CDC42BPA: variants seen among roughly 807,000 people sequenced by gnomAD.
CDC42BPA encodes serine/threonine-protein kinase MRCK alpha.
CDC42BPA carries 80 observed loss-of-function variants against 223.5 expected under a neutral mutation model. The ratio of observed to expected loss-of-function variants is 0.36; its 90% CI spans 0.30 to 0.43. The LOEUF (loss-of-function observed/expected upper bound fraction) is 0.43. Among genes scored for constraint, CDC42BPA ranks in the 20% least tolerant of loss-of-function variants. The pLI is 1.00. For synonymous variants in CDC42BPA, 694 were observed against 718.6 expected (o/e 0.97, Z 0.55); for missense variants, 1,743 against 2,099.9 (o/e 0.83, Z 3.32).
intron 5 of CDC42BPA, among the ~76,000 whole-genome samples, chr1:227,168,513 T>TTTTTTTTTTTTTTTTTTTTTG (rs57522937): frequency 6.9e-6 from 1 of 145,738 alleles, no homozygotes; most frequent in African/African-American, 2.6e-5. Flanking sequence ...TTTTTTTTTT[T>TTTTTTTTTTTTTTTTTTTTTG]GAGGCAGAGT....
intron 16 of CDC42BPA, among the ~76,000 whole-genome samples, chr1:227,089,634 T>G (rs1371175858): frequency 2.2e-5 from 3 of 135,924 alleles, no homozygotes; most frequent in Non-Finnish European, 4.9e-5. Flanking sequence ...TCCGTTTTTT[T>G]TTTTTTTTTT....
rs1307620981 is a variant in CDC42BPA, at chr1:227,304,376, A to T, written c.178+12629T>A. Among the ~76,000 whole-genome samples, 4 of 151,924 alleles carry T rather than the reference A, an allele frequency of 2.6e-5. No homozygotes were observed. In the East Asian group the frequency reaches 7.7e-4, roughly 29 times the overall value. ...AGCCCAGATCACACCACTGCACTCC[A>T]GCCTGGGCAACAAAGCAAGATTCTA... On this transcript the variant is annotated intron_variant, in intron 1 of 36. Coordinates refer to ENST00000366766, the MANE Select transcript of CDC42BPA (RefSeq NM_001394014.1).
intron 6 of CDC42BPA, among the ~76,000 whole-genome samples, chr1:227,150,777 T>C (rs1661588026): frequency 1.4e-5 from 2 of 146,264 alleles, no homozygotes; most frequent in Admixed American, 7.0e-5. Flanking sequence ...GTTTACCCCA[T>C]AAATGTATTC....
At chr1:227,162,667 C>T (rs1457116262) in intron 5 of CDC42BPA, among the ~76,000 whole-genome samples, 3 of 151,790 alleles carry the variant, frequency 2.0e-5, no homozygotes, top group Admixed American at 2.0e-4. Flanking sequence ...CCCTTCTCTA[C>T]AAAAAATAAA....
chr1:227,196,043 T>C (rs1247864469), intron 4 of CDC42BPA, among the ~76,000 whole-genome samples: 1 of 151,948 alleles, frequency 6.6e-6, no homozygotes, highest in Non-Finnish European at 1.5e-5. Flanking sequence ...CAATCATTGA[T>C]TTGAGGAATC....
intron 10 of CDC42BPA, among the ~76,000 whole-genome samples, chr1:227,129,638 T>C (rs1441387793): frequency 9.6e-6 from 1 of 104,252 alleles, no homozygotes; most frequent in African/African-American, 3.8e-5. Context: ...CTGTACTCCA[T>C]CCTGGGAGAC....
At chr1:227,257,487 G>GGCTCAT (rs145838525) in intron 1 of CDC42BPA, among the ~76,000 whole-genome samples, 19,221 of 150,380 alleles carry the variant, frequency 0.13, 1,786 homozygotes, top group Middle Eastern at 0.21. Flanking sequence ...TGGGCACAGT[G>GGCTCAT]GCCTGTAATC....
chr1:227,306,138 G>GTTT (rs56027762), intron 1 of CDC42BPA, among the ~76,000 whole-genome samples: 5 of 135,722 alleles, frequency 3.7e-5, no homozygotes, highest in Non-Finnish European at 6.3e-5. Context: ...GTTCTAAGTG[G>GTTT]TTTTTTTTTT....
At chr1:227,276,198 G>A (rs1438714907) in intron 1 of CDC42BPA, among the ~76,000 whole-genome samples, 3 of 151,370 alleles carry the variant, frequency 2.0e-5, no homozygotes, top group African/African-American at 7.3e-5. Context: ...GATGTGGGGA[G>A]CGCCTCTGCC....
intron 16 of CDC42BPA, among the ~76,000 whole-genome samples, chr1:227,081,846 T>C (rs550346347): frequency 1.3e-5 from 2 of 152,322 alleles, no homozygotes; most frequent in South Asian, 2.1e-4. Context: ...ACTGTATGTA[T>C]CTCTAAAGAA....
chr1:227,145,048 C>T (rs6426569), intron 8 of CDC42BPA, among the ~76,000 whole-genome samples: 2 of 151,968 alleles, frequency 1.3e-5, no homozygotes, highest in Admixed American at 1.3e-4. Flanking sequence ...AACTAAAGTT[C>T]AGCAGTTTTT....
chr1:227,170,158 G>A (rs557740889), intron 5 of CDC42BPA, among the ~76,000 whole-genome samples: 13 of 152,184 alleles, frequency 8.5e-5, no homozygotes, highest in African/African-American at 2.9e-4. Context: ...GACGTCCAAG[G>A]CTAGGTCATT....
At chr1:227,254,033 G>T in intron 2 of CDC42BPA, 31 bp downstream of exon 2, 1 of 1,182,408 alleles carries the variant, frequency 8.5e-7, no homozygotes, top group Non-Finnish European at 1.3e-6. Flanking sequence ...AAAATAATTA[G>T]CAGACCTTCT....
rs201862186 is a variant in CDC42BPA at position 227,317,055 on chromosome 1, T to C, written c.128A>G (p.Asn43Ser). 40 of 1,613,846 alleles carry C rather than the reference T, an allele frequency of 2.5e-5. No individual in the cohort carries two copies. Among genetic ancestry groups the C allele is most frequent in the East Asian group, 2.5e-4 (11 of 44,880 alleles). ...CTTCTCTCTTCTCAATGGAGAATTA[T>C]TGCATTCATCATAAAGGCAGATGAG... ...DILICLYDEC[N>S]NSPLRREKNI... Residue 43 changes from asparagine (N) to serine (S), a missense_variant, in exon 1 of 37, where the codon AAT becomes AGT. Asn to Ser is a conservative substitution (Grantham distance 46, BLOSUM62 1). Transcript: ENST00000366766.
At chr1:227,269,699 C>T (rs900061558) in intron 1 of CDC42BPA, among the ~76,000 whole-genome samples, 1 of 151,930 alleles carries the variant, frequency 6.6e-6, no homozygotes, top group Admixed American at 6.6e-5. Context: ...GAAAAATAGG[C>T]ACTGGCAATT....
At chr1:227,156,255 C>G (rs893685316) in intron 6 of CDC42BPA, among the ~76,000 whole-genome samples, 8 of 152,008 alleles carry the variant, frequency 5.3e-5, no homozygotes, top group Admixed American at 6.6e-5. Context: ...CAAGCTCAAG[C>G]GATCCTCCCA....
intron 23 of CDC42BPA, among the ~76,000 whole-genome samples, chr1:227,045,692 C>T (rs1191934863): frequency 6.6e-6 from 1 of 152,150 alleles, no homozygotes; most frequent in African/African-American, 2.4e-5. Context: ...GACTCATCTA[C>T]TGAATTTAAA....
chr1:227,253,201 AAGAGAAGAG>A (rs1417386465), intron 2 of CDC42BPA, among the ~76,000 whole-genome samples: 1 of 152,022 alleles, frequency 6.6e-6, no homozygotes. Context: ...GAGAGGAGAC[AAGAGAAGAG>A]AGAGGAGAGA....
chr1:227,269,605 A>G (rs1685635870), intron 1 of CDC42BPA, among the ~76,000 whole-genome samples: 1 of 152,198 alleles, frequency 6.6e-6, no homozygotes, highest in Non-Finnish European at 1.5e-5. Flanking sequence ...GGAAAAATAT[A>G]TTTGTAACAA....
Sources: allele counts gnomAD v4.1 joint callset (sites outside exome capture counted in the v4.1 genomes callset), GRCh38; gene constraint gnomAD v4.1.1; transcripts MANE v1.5; gene names NCBI Gene and HGNC (gene_info 2026-07-23, HGNC 2026-07-21).